Variants in IDS observed in about 807,000 individuals in gnomAD.
IDS encodes the protein alpha-L-iduronate sulfate sulfatase.
A neutral mutation model predicts 33.5 loss-of-function variants in IDS; 1 was observed. The observed-to-expected ratio is 0.03, with a 90% CI of 0.01 to 0.14. The LOEUF (loss-of-function observed/expected upper bound fraction) is 0.14, where lower values mean the gene tolerates loss of function less well. Among genes scored for constraint, IDS ranks in the 10% least tolerant of loss-of-function variants. The pLI, the probability that IDS is intolerant of heterozygous loss-of-function variation, is 1.00. For missense variants in IDS, 328 were observed against 448.0 expected, an observed-to-expected ratio of 0.73 and a Z score of 2.42; for synonymous variants, 191 against 184.4, an observed-to-expected ratio of 1.04 and a Z score of -0.29.
At position 149,478,388 on chromosome X, in the gene IDS, A is replaced by C. The variant is rs1391749313; in HGVS notation, c.*4358T>G. Reference sequence around the variant, plus strand: ...GTGGTCACTGGTGGATGAATGGATAAGCGGAACGTGGTACATACATTTCAG... The same window carrying C: ...GTGGTCACTGGTGGATGAATGGATACGCGGAACGTGGTACATACATTTCAG... On this transcript the variant is annotated 3_prime_UTR_variant, in exon 9 of 9. Coordinates refer to ENST00000340855, the MANE Select transcript of IDS (RefSeq NM_000202.8). 1 of 112,331 alleles carries C rather than the reference A, an allele frequency of 8.9e-6. No individual in the cohort carries two copies. Among genetic ancestry groups the C allele is most frequent in the African/African-American group, 3.2e-5 (1 of 30,866 alleles). The allele number at this position is 112,331 out of a possible 1,213,427, so 9.3% of individuals were successfully genotyped here.
intron 7 of IDS, among the ~76,000 whole-genome samples, chrX:149,488,772 G>A (rs2854521): frequency 5.4e-5 from 6 of 111,576 alleles, no homozygotes; most frequent in South Asian, 3.8e-4. Flanking sequence ...AGGAGAACGC[G>A]TGCCTGTGTG....
At chrX:149,487,153 T>C (rs1166622341) in intron 7 of IDS, 55 bp from the exon 8 acceptor site, 6 of 1,209,806 alleles carry the variant, frequency 5.0e-6, no homozygotes, top group Non-Finnish European at 6.7e-6. Context: ...ATACCACAGC[T>C]TGTTTATTTT....
intron 6 of IDS, among the ~76,000 whole-genome samples, chrX:149,491,911 C>T: frequency 8.9e-6 from 1 of 112,392 alleles, no homozygotes; most frequent in East Asian, 2.8e-4. Flanking sequence ...AGGTATGCAG[C>T]ATAAGAGCAG....
rs2089273571 is a variant in IDS at position 149,477,633 on chromosome X, G to A, written c.*5113C>T. 8.8e-6 allele frequency: 1 copy of A among 113,053 alleles called. No individual in the cohort carries two copies. Among genetic ancestry groups the A allele is most frequent in the African/African-American group, 3.2e-5 (1 of 31,107 alleles). The allele number at this position is 113,053 out of a possible 1,213,427, so 9.3% of individuals were successfully genotyped here. On this transcript the variant is annotated 3_prime_UTR_variant, in exon 9 of 9. Transcript: ENST00000340855. The stretch of plus-strand genomic sequence containing the variant: ...CTCTGATCCCAAAGAAAACCCTTGA[G>A]CGTGGGCTCCCCACAACAGACTGTG...
At position 149,482,917 on chromosome X, in the gene IDS, G is replaced by T; in HGVS notation, c.1482C>A (p.Thr494=). The change falls in exon 9 of 9, where the codon ACC becomes ACA. Residue 494 remains threonine (T), a synonymous_variant. Transcript: ENST00000340855. ...CCCACACAGTATACCTATAGTCTAT[G>T]GTGCGTATGGAATAGCCCATGATCT... ...DIKIMGYSIR[T]IDYRYTVWVG... The T allele has an allele frequency of 2.5e-6, 3 of 1,211,465 alleles. No individual in the cohort carries two copies. Among genetic ancestry groups the T allele is most frequent in the Non-Finnish European group, 3.4e-6 (3 of 895,266 alleles).
chrX:149,486,819 G>C, intron 8 of IDS, 106 bp downstream of exon 8: 2 of 850,968 alleles, frequency 2.4e-6, no homozygotes, highest in Non-Finnish European at 3.5e-6. Flanking sequence ...AAGGCAGGAA[G>C]GGGGGGTCTG....
intron 8 of IDS, 120 bp downstream of exon 8, chrX:149,486,805 A>G: frequency 1.3e-6 from 1 of 784,212 alleles, no homozygotes. Context: ...AGAAATTCCA[A>G]CACAAGGCAG....
intron 5 of IDS, among the ~76,000 whole-genome samples, chrX:149,497,255 G>A (rs1325490153): frequency 8.9e-6 from 1 of 112,175 alleles, no homozygotes; most frequent in Non-Finnish European, 1.9e-5. Flanking sequence ...AGCCAATTCT[G>A]GGAATAGTGA....
intron 2 of IDS, 151 bp from the exon 3 acceptor site, chrX:149,503,640 T>G (rs2089498913): frequency 2.1e-6 from 1 of 486,999 alleles, no homozygotes; most frequent in African/African-American, 2.4e-5. Flanking sequence ...GGGATTTGGG[T>G]GTCACCTAGG....
chrX:149,492,005 C>T (rs1297830874), intron 6 of IDS, among the ~76,000 whole-genome samples: 1 of 112,219 alleles, frequency 8.9e-6, no homozygotes, highest in Non-Finnish European at 1.9e-5. Flanking sequence ...AGGCATAATG[C>T]CAAAAACCTA....
Position 149,504,006 on chromosome X carries a change from G to C in IDS, c.240+151C>G. 6 of 503,527 alleles carry C rather than the reference G, an allele frequency of 1.2e-5. No homozygotes were observed. In the South Asian group the frequency reaches 1.8e-4, roughly 15 times the overall value. The allele number at this position is 503,527 out of a possible 1,213,427, so 41.5% of individuals were successfully genotyped here. A position where few individuals can be genotyped will look rare whatever the true frequency, so the allele number is the denominator to read the frequency against. On this transcript the variant is annotated intron_variant, in intron 2 of 8. Coordinates refer to ENST00000340855, the MANE Select transcript of IDS (RefSeq NM_000202.8). Reference sequence around the variant, plus strand: ...AAGCTTTCCCATGAGTGGAAAACCAGATTTTCTCCACTACCATTTTCCAGA... The same window carrying C: ...AAGCTTTCCCATGAGTGGAAAACCACATTTTCTCCACTACCATTTTCCAGA...
At chrX:149,492,629 C>A (rs975029811) in intron 6 of IDS, among the ~76,000 whole-genome samples, 2 of 110,526 alleles carry the variant, frequency 1.8e-5, no homozygotes, top group Non-Finnish European at 3.8e-5. Context: ...TCTTTCAAGG[C>A]GAGAAATTGA....
At chrX:149,486,813 C>A in intron 8 of IDS, 112 bp downstream of exon 8, 1 of 820,618 alleles carries the variant, frequency 1.2e-6, no homozygotes, top group East Asian at 3.2e-5. Flanking sequence ...CAACACAAGG[C>A]AGGAAGGGGG....
intron 5 of IDS, among the ~76,000 whole-genome samples, chrX:149,497,851 A>G (rs1403567493): frequency 8.9e-6 from 1 of 112,515 alleles, no homozygotes; most frequent in African/African-American, 3.2e-5. Flanking sequence ...CATCTGCTCA[A>G]TAAGTTCAAG....
rs781947914 is a variant in IDS at position 149,487,102 on chromosome X, G to A, written c.1007-4C>T. 1.1e-5 allele frequency: 13 copies of A among 1,211,031 alleles called. No individual in the cohort carries two copies. The South Asian group carries it at 2.1e-4, about 20-fold the overall frequency. ...CCATGTTCACCTAGAGCCCACCCTA[G>A]TTCATAAAAAGCACAGAATGACAGA... On this transcript the variant is annotated splice_polypyrimidine_tract_variant and splice_region_variant and intron_variant, in intron 7 of 8. Coordinates refer to ENST00000340855, the MANE Select transcript of IDS (RefSeq NM_000202.8).
intron 8 of IDS, among the ~76,000 whole-genome samples, chrX:149,484,328 T>C: frequency 9.0e-6 from 1 of 111,305 alleles, no homozygotes; most frequent in Middle Eastern, 4.6e-3. Context: ...TGTTTCATTC[T>C]TTTTTTTTAG....
chrX:149,485,775 A>G (rs1175888600), intron 8 of IDS, among the ~76,000 whole-genome samples: 1 of 112,468 alleles, frequency 8.9e-6, no homozygotes, highest in African/African-American at 3.2e-5. Flanking sequence ...TTCCCAGCAA[A>G]CAAAGGGCTA....
chrX:149,495,446 G>GA (rs2089428067), intron 6 of IDS: 1 of 106,460 alleles, frequency 9.4e-6, no homozygotes, highest in Non-Finnish European at 2.0e-5. Context: ...AACTTCTGAT[G>GA]AATCAGAATC....
At chrX:149,495,423 G>T (rs987979826) in intron 6 of IDS, 68 of 110,824 alleles carry the variant, frequency 6.1e-4, no homozygotes, top group African/African-American at 2.1e-3. Flanking sequence ...ATACTCTACA[G>T]CAGAGGCTCT....
Sources: allele counts gnomAD v4.1 joint callset (sites outside exome capture counted in the v4.1 genomes callset), GRCh38; gene constraint gnomAD v4.1.1; transcripts MANE v1.5; gene names NCBI Gene and HGNC (gene_info 2026-07-23, HGNC 2026-07-21).